KHDRBS3: variants seen among roughly 807,000 people sequenced by gnomAD.
KHDRBS3 encodes KH RNA binding domain containing, signal transduction associated 3.
In KHDRBS3, 23 loss-of-function variants were observed where a neutral mutation model predicts 45.6. The ratio of observed to expected loss-of-function variants is 0.50; its 90% CI spans 0.36 to 0.72. The LOEUF is 0.72. Among genes scored for constraint, KHDRBS3 ranks in the 30% least tolerant of loss-of-function variants. KHDRBS3 has a pLI of 0.00. For missense variants in KHDRBS3, 352 were observed against 424.8 expected, an observed-to-expected ratio of 0.83 and a Z score of 1.51; for synonymous variants, 162 against 156.5, an observed-to-expected ratio of 1.04 and a Z score of -0.26.
intron 1 of KHDRBS3, among the ~76,000 whole-genome samples, chr8:135,460,290 G>A (rs755999815): frequency 5.3e-5 from 8 of 152,222 alleles, no homozygotes; most frequent in Non-Finnish European, 8.8e-5. Context: ...AAACCTTAGC[G>A]TGCCATGTAA....
intron 5 of KHDRBS3, among the ~76,000 whole-genome samples, chr8:135,574,830 T>A (rs1827878052): frequency 6.6e-6 from 1 of 152,232 alleles, no homozygotes; most frequent in South Asian, 2.1e-4. Flanking sequence ...GAAGTTTAAA[T>A]AAACTGTTGA....
chr8:135,645,364 G>A (rs546020664), intron 8 of KHDRBS3, among the ~76,000 whole-genome samples: 5 of 152,254 alleles, frequency 3.3e-5, no homozygotes, highest in East Asian at 1.9e-4. Flanking sequence ...TGAGTTGGTC[G>A]CCGTGTGCTG....
chr8:135,643,403 C>CCAGG, intron 7 of KHDRBS3, among the ~76,000 whole-genome samples: 1 of 152,256 alleles, frequency 6.6e-6, no homozygotes, highest in South Asian at 2.1e-4. Flanking sequence ...AGAATGAGAA[C>CCAGG]CAGGGCATGC....
chr8:135,656,264 A>C (rs974432906), exon 5 of KHDRBS3: 1 of 152,190 alleles, frequency 6.6e-6, no homozygotes, highest in Non-Finnish European at 1.5e-5. Context: ...AAGAACCGTC[A>C]ACTCACCAAC....
intron 5 of KHDRBS3, among the ~76,000 whole-genome samples, chr8:135,563,381 C>G (rs963401306): frequency 6.6e-6 from 1 of 152,208 alleles, no homozygotes; most frequent in African/African-American, 2.4e-5. Context: ...CCGCCTCCCT[C>G]TCAGCATCGC....
intron 1 of KHDRBS3, among the ~76,000 whole-genome samples, chr8:135,505,466 A>G (rs570686688): frequency 6.6e-6 from 1 of 152,250 alleles, no homozygotes; most frequent in Admixed American, 6.5e-5. Flanking sequence ...GCTGATTCCC[A>G]GGTACTTTCC....
At chr8:135,654,293 G>A (rs567678793) in intron 4 of KHDRBS3, among the ~76,000 whole-genome samples, 43 of 152,300 alleles carry the variant, frequency 2.8e-4, no homozygotes, top group African/African-American at 1.0e-3. Flanking sequence ...TAAAGGCAAT[G>A]CAAGAAGCCA....
rs1822156641 is a variant in KHDRBS3 at position 135,474,230 on chromosome 8, T to A, written c.88+16276T>A. On this transcript the variant is annotated intron_variant, in intron 1 of 8. Coordinates refer to ENST00000355849, the MANE Select transcript of KHDRBS3 (RefSeq NM_006558.3). ...AAGTATCTGGATTTGGATTCCTTATTTGGAGAGAAAATGTTGGCCCCAGCT... is the reference window on the plus strand; with the variant it reads ...AAGTATCTGGATTTGGATTCCTTATATGGAGAGAAAATGTTGGCCCCAGCT... Among the ~76,000 whole-genome samples the A allele has an allele frequency of 4.6e-5, 7 of 152,194 alleles. 1 individual carries two copies. In the South Asian group the frequency reaches 1.4e-3, roughly 32 times the overall value.
At chr8:135,593,102 T>C (rs573467988) in intron 6 of KHDRBS3, among the ~76,000 whole-genome samples, 7 of 152,168 alleles carry the variant, frequency 4.6e-5, no homozygotes, top group Non-Finnish European at 1.0e-4. Flanking sequence ...TCCTGGTAGA[T>C]AGGGGAGGAG....
At chr8:135,469,848 A>G (rs1049449153) in intron 1 of KHDRBS3, among the ~76,000 whole-genome samples, 1 of 152,170 alleles carries the variant, frequency 6.6e-6, no homozygotes, top group African/African-American at 2.4e-5. Context: ...TTGTTAATGC[A>G]CAGAGACTGC....
At position 135,634,311 on chromosome 8, in the gene KHDRBS3, G is replaced by T. The variant is rs139444970; in HGVS notation, c.891-10748G>T. Among the ~76,000 whole-genome samples, 738 of 152,230 alleles carry T rather than the reference G, an allele frequency of 4.8e-3. 6 individuals are homozygous for T. Among genetic ancestry groups the T allele is most frequent in the African/African-American group, 0.017 (690 of 41,536 alleles). On this transcript the variant is annotated intron_variant, in intron 7 of 8. Transcript: ENST00000355849. ...TCAGCACTGTGATGGATGTCCTCCC[G>T]AGCAGTGAAATGTCTAACAGTCAGG...
chr8:135,476,619 T>G (rs993815144), intron 1 of KHDRBS3, among the ~76,000 whole-genome samples: 5 of 152,194 alleles, frequency 3.3e-5, no homozygotes, highest in African/African-American at 9.7e-5. Context: ...CTAAAGCACC[T>G]TTTAGGTAAT....
intron 1 of KHDRBS3, among the ~76,000 whole-genome samples, chr8:135,463,553 C>A (rs1821539315): frequency 6.6e-6 from 1 of 152,178 alleles, no homozygotes; most frequent in Non-Finnish European, 1.5e-5. Context: ...TTTATTCTTT[C>A]TTAAGGAATT....
chr8:135,492,585 C>G (rs1372833299), intron 1 of KHDRBS3, among the ~76,000 whole-genome samples: 1 of 151,526 alleles, frequency 6.6e-6, no homozygotes, highest in Non-Finnish European at 1.5e-5. Flanking sequence ...CTGAATGCCT[C>G]TCTGTCAAAA....
At chr8:135,605,443 GTTA>G (rs1829414956) in intron 6 of KHDRBS3, among the ~76,000 whole-genome samples, 1 of 151,856 alleles carries the variant, frequency 6.6e-6, no homozygotes, top group Non-Finnish European at 1.5e-5. Context: ...TTTTACTTTA[GTTA>G]TTATACTTCG....
At chr8:135,626,093 TAAGGACTCATTTAAA>T (rs1326860969) in intron 7 of KHDRBS3, 4 of 511,480 alleles carry the variant, frequency 7.8e-6, no homozygotes, top group African/African-American at 7.5e-5. Flanking sequence ...ACAACAAAAA[TAAGGACTCATTTAAA>T]AAGGACTTCT....
At chr8:135,469,688 C>T (rs1821911003) in intron 1 of KHDRBS3, among the ~76,000 whole-genome samples, 1 of 152,204 alleles carries the variant, frequency 6.6e-6, no homozygotes, top group Admixed American at 6.5e-5. Flanking sequence ...GCCACTATTC[C>T]CAGCTAATTT....
intron 1 of KHDRBS3, among the ~76,000 whole-genome samples, chr8:135,504,137 T>C (rs553770005): frequency 7.5e-4 from 114 of 152,294 alleles, no homozygotes; most frequent in African/African-American, 2.4e-3. Context: ...GTGATTTGAA[T>C]GTATGTTTTT....
chr8:135,641,779 T>C (rs1334530376), intron 7 of KHDRBS3, among the ~76,000 whole-genome samples: 3 of 152,256 alleles, frequency 2.0e-5, no homozygotes, highest in African/African-American at 7.2e-5. Context: ...TCAAAAGCTT[T>C]AATTGAGTCT....
Sources: allele counts gnomAD v4.1 joint callset (sites outside exome capture counted in the v4.1 genomes callset), GRCh38; gene constraint gnomAD v4.1.1; transcripts MANE v1.5; gene names NCBI Gene and HGNC (gene_info 2026-07-23, HGNC 2026-07-21).